Variants in TENM2 observed in about 807,000 individuals in gnomAD.
The protein encoded by TENM2 is teneurin transmembrane protein 2, also known as teneurin-2.
TENM2 carries 52 observed loss-of-function variants against 245.2 expected under a neutral mutation model. The ratio of observed to expected loss-of-function variants is 0.21; its 90% CI spans 0.17 to 0.27. The LOEUF (loss-of-function observed/expected upper bound fraction) is 0.27. Ranked by LOEUF, TENM2 falls within the 10% of genes least tolerant of loss-of-function variation. The pLI is 1.00. For missense variants in TENM2, 3,046 were observed against 3,666.8 expected (o/e 0.83, Z 4.37); for synonymous variants, 1,363 against 1,438.9 (o/e 0.95, Z 1.19).
intron 1 of TENM2, among the ~76,000 whole-genome samples, chr5:167,297,834 C>A (rs1040876644): frequency 9.9e-5 from 15 of 151,754 alleles, no homozygotes; most frequent in Admixed American, 2.0e-4. Flanking sequence ...GAGTGGGGGT[C>A]ACAGGGTGTT....
intron 3 of TENM2, among the ~76,000 whole-genome samples, chr5:167,949,426 T>A (rs943099681): frequency 1.2e-4 from 19 of 152,160 alleles, no homozygotes; most frequent in Non-Finnish European, 2.8e-4. Context: ...TGGATTTAAT[T>A]TTCCTACTCA....
chr5:167,232,600 T>C, the TENM2 span, among the ~76,000 whole-genome samples: 1 of 152,108 alleles, frequency 6.6e-6, no homozygotes, highest in Non-Finnish European at 1.5e-5. Context: ...CTCAAACTCC[T>C]GACCTTGTGA....
chr5:167,791,588 G>T (rs947047033), intron 2 of TENM2, among the ~76,000 whole-genome samples: 2 of 147,248 alleles, frequency 1.4e-5, no homozygotes, highest in Admixed American at 1.4e-4. Flanking sequence ...GAGGATAATG[G>T]TTGTGTAATA....
chr5:167,035,990 G>A, the TENM2 span, among the ~76,000 whole-genome samples: 947 of 152,266 alleles, frequency 6.2e-3, 11 homozygotes, highest in African/African-American at 0.022. Context: ...TGATCCACCT[G>A]CCTCTGCCTC....
At chr5:168,049,919 C>T (rs1407970190) in intron 6 of TENM2, among the ~76,000 whole-genome samples, 2 of 152,180 alleles carry the variant, frequency 1.3e-5, no homozygotes, top group Admixed American at 1.3e-4. Context: ...TCTCCTGCCT[C>T]AGCCTCCAGA....
chr5:167,310,424 G>T (rs1033990250), intron 1 of TENM2, among the ~76,000 whole-genome samples: 1 of 152,110 alleles, frequency 6.6e-6, no homozygotes, highest in Non-Finnish European at 1.5e-5. Context: ...AGAGTACACA[G>T]TGCTAGTGTT....
chr5:168,209,864 A>T lies in TENM2; in HGVS notation c.3825-1870A>T, dbSNP rs535373704. Among the ~76,000 whole-genome samples, 3 of 152,282 alleles carry T rather than the reference A, an allele frequency of 2.0e-5. No individual in the cohort carries two copies. The South Asian group carries it at 6.2e-4, about 32-fold the overall frequency. On this transcript the variant is annotated intron_variant, in intron 19 of 28. Coordinates refer to ENST00000518659, the Ensembl canonical transcript of TENM2. ...TCCTATTCACAAAGAACTGAGGGGG[A>T]CAGGCACACAAACATAAATCACCAG...
chr5:167,808,707 G>A (rs568613586), intron 2 of TENM2, among the ~76,000 whole-genome samples: 1 of 152,046 alleles, frequency 6.6e-6, no homozygotes, highest in East Asian at 1.9e-4. Context: ...GGGTTGTTTT[G>A]TTTTGTTTTT....
intron 2 of TENM2, among the ~76,000 whole-genome samples, chr5:167,385,235 C>G (rs906417405): frequency 6.6e-6 from 1 of 152,038 alleles, no homozygotes; most frequent in African/African-American, 2.4e-5. Flanking sequence ...GCTTCTATAT[C>G]CTTGCCGCTT....
chr5:167,526,557 T>A (rs1771138009), intron 2 of TENM2, among the ~76,000 whole-genome samples: 1 of 152,088 alleles, frequency 6.6e-6, no homozygotes, highest in Admixed American at 6.6e-5. Context: ...TTGTTTGTTT[T>A]TTTCTTTTTT....
the TENM2 span, among the ~76,000 whole-genome samples, chr5:167,177,880 G>A: frequency 2.0e-5 from 3 of 152,158 alleles, no homozygotes; most frequent in Non-Finnish European, 2.9e-5. Flanking sequence ...TAGAAAAGAC[G>A]AACTGCAGCA....
chr5:167,431,318 G>A (rs533140884), intron 2 of TENM2, among the ~76,000 whole-genome samples: 2 of 152,200 alleles, frequency 1.3e-5, no homozygotes, highest in African/African-American at 4.8e-5. Context: ...AAATGACTTA[G>A]GTTAGTTCCC....
the TENM2 span, among the ~76,000 whole-genome samples, chr5:167,029,348 G>A: frequency 1.3e-5 from 2 of 152,106 alleles, no homozygotes; most frequent in Admixed American, 6.5e-5. Flanking sequence ...TTCATCAAAT[G>A]TAATAAAGAC....
the TENM2 span, among the ~76,000 whole-genome samples, chr5:167,224,649 C>T: frequency 1.3e-5 from 2 of 151,884 alleles, no homozygotes; most frequent in Non-Finnish European, 1.5e-5. Context: ...TCTTTTTACT[C>T]AGGATTACTT....
chr5:167,733,309 A>G (rs1346777850), intron 2 of TENM2, among the ~76,000 whole-genome samples: 1 of 152,184 alleles, frequency 6.6e-6, no homozygotes, highest in Non-Finnish European at 1.5e-5. Context: ...TAAATGGTTA[A>G]TAACAGGCAC....
upstream of TENM2, among the ~76,000 whole-genome samples, chr5:167,283,427 G>T (rs946280144): frequency 8.5e-5 from 13 of 152,056 alleles, no homozygotes; most frequent in Admixed American, 8.5e-4. Context: ...AGTATAGATT[G>T]GGGGAGGGGG....
chr5:167,612,954 G>A (rs925650705), intron 2 of TENM2, among the ~76,000 whole-genome samples: 10 of 152,140 alleles, frequency 6.6e-5, no homozygotes, highest in African/African-American at 2.2e-4. Flanking sequence ...GCACAATTTG[G>A]ATTCCAGCTA....
intron 2 of TENM2, among the ~76,000 whole-genome samples, chr5:167,540,596 A>G (rs1421341538): frequency 6.6e-6 from 1 of 152,196 alleles, no homozygotes; most frequent in East Asian, 1.9e-4. Flanking sequence ...TATGGACCAC[A>G]AAGTCTAAAA....
chr5:167,761,525 T>A (rs1391341958), intron 2 of TENM2, among the ~76,000 whole-genome samples: 1 of 152,120 alleles, frequency 6.6e-6, no homozygotes, highest in African/African-American at 2.4e-5. Context: ...CATCCTAAAA[T>A]CATGTTCTAT....
Sources: gnomAD v4.1 joint callset for allele counts (sites outside exome capture counted in the v4.1 genomes callset) on GRCh38, gnomAD v4.1.1 for gene constraint, MANE v1.5 for transcripts, NCBI Gene and HGNC (gene_info 2026-07-23, HGNC 2026-07-21) for gene names.